The following HCN1 variants were observed in gnomAD, a reference collection of about 807,000 sequenced individuals.
The protein encoded by HCN1 is hyperpolarization activated cyclic nucleotide gated potassium channel 1, also known as potassium/sodium hyperpolarization-activated cyclic nucleotide-gated channel 1.
Under a neutral mutation model 78.9 loss-of-function variants are expected in HCN1, and 13 were observed. The observed-to-expected ratio is 0.16, with a 90% CI of 0.11 to 0.26. HCN1 has a LOEUF of 0.26. HCN1 is among the 10% of genes least tolerant of loss of function. The pLI, the probability that HCN1 is intolerant of heterozygous loss-of-function variation, is 1.00. For missense variants in HCN1, 810 were observed against 1,154.3 expected, an observed-to-expected ratio of 0.70 and a Z score of 4.32; for synonymous variants, 552 against 455.5, an observed-to-expected ratio of 1.21 and a Z score of -2.70.
At chr5:45,493,295 G>T (rs182321989) in intron 2 of HCN1, among the ~76,000 whole-genome samples, 1 of 151,738 alleles carries the variant, frequency 6.6e-6, no homozygotes, top group East Asian at 1.9e-4. Flanking sequence ...CAGTCACCAA[G>T]AATAAAGAAA....
At chr5:45,634,230 A>G (rs567983459) in intron 2 of HCN1, among the ~76,000 whole-genome samples, 2 of 152,050 alleles carry the variant, frequency 1.3e-5, no homozygotes, top group South Asian at 4.1e-4. Flanking sequence ...TCACATTCAT[A>G]CACCTATCCT....
At chr5:45,508,199 G>A (rs894559361) in intron 2 of HCN1, among the ~76,000 whole-genome samples, 3 of 152,204 alleles carry the variant, frequency 2.0e-5, no homozygotes, top group African/African-American at 7.2e-5. Context: ...AATTGGAAAT[G>A]TATGTGAAAA....
At chr5:45,569,077 C>T (rs1309214233) in intron 2 of HCN1, among the ~76,000 whole-genome samples, 1 of 152,090 alleles carries the variant, frequency 6.6e-6, no homozygotes, top group Non-Finnish European at 1.5e-5. Flanking sequence ...GAAGAAATGT[C>T]ACATACAGAC....
At chr5:45,384,017 C>G (rs1579859811) in intron 4 of HCN1, among the ~76,000 whole-genome samples, 2 of 152,188 alleles carry the variant, frequency 1.3e-5, no homozygotes, top group East Asian at 3.9e-4. Flanking sequence ...TATTCTAAAA[C>G]AGTAAAATGT....
intron 3 of HCN1, among the ~76,000 whole-genome samples, chr5:45,446,208 T>C (rs1004878122): frequency 6.6e-6 from 1 of 152,200 alleles, no homozygotes; most frequent in East Asian, 1.9e-4. Flanking sequence ...CTGATGGAGC[T>C]GAAAGCCAAG....
At chr5:45,337,018 C>G (rs1212398595) in intron 5 of HCN1, among the ~76,000 whole-genome samples, 1 of 151,848 alleles carries the variant, frequency 6.6e-6, no homozygotes, top group African/African-American at 2.4e-5. Flanking sequence ...ACCTTAGTAG[C>G]AATATAAAAG....
At chr5:45,624,549 G>A (rs997276390) in intron 2 of HCN1, among the ~76,000 whole-genome samples, 5 of 152,130 alleles carry the variant, frequency 3.3e-5, no homozygotes, top group African/African-American at 1.2e-4. Context: ...TACAGGTGAA[G>A]CATTGCCCCT....
At chr5:45,528,720 C>T (rs775316089) in intron 2 of HCN1, among the ~76,000 whole-genome samples, 1 of 151,922 alleles carries the variant, frequency 6.6e-6, no homozygotes, top group Non-Finnish European at 1.5e-5. Context: ...GCCTTAACCC[C>T]CACACTATCT....
At chr5:45,401,679 GA>G (rs1258137654) in intron 3 of HCN1, among the ~76,000 whole-genome samples, 13 of 145,106 alleles carry the variant, frequency 9.0e-5, no homozygotes, top group Admixed American at 8.2e-4. Context: ...TTTGGATATA[GA>G]AAAGTTCACA....
At chr5:45,419,448 TA>T (rs973169284) in intron 3 of HCN1, among the ~76,000 whole-genome samples, 1 of 152,188 alleles carries the variant, frequency 6.6e-6, no homozygotes, top group Non-Finnish European at 1.5e-5. Flanking sequence ...AGAAGCCCTC[TA>T]AGATATTTGA....
At chr5:45,577,805 C>G (rs777100510) in intron 2 of HCN1, among the ~76,000 whole-genome samples, 1 of 151,534 alleles carries the variant, frequency 6.6e-6, no homozygotes, top group Admixed American at 6.6e-5. Flanking sequence ...CTTAGAAATA[C>G]GAAGCAATGC....
intron 2 of HCN1, among the ~76,000 whole-genome samples, chr5:45,611,937 A>C (rs1400625986): frequency 6.6e-6 from 1 of 152,152 alleles, no homozygotes; most frequent in African/African-American, 2.4e-5. Flanking sequence ...AAAAATATAG[A>C]TCTGAAGTGC....
At chr5:45,341,552 T>C (rs1228919540) in intron 5 of HCN1, among the ~76,000 whole-genome samples, 1 of 152,126 alleles carries the variant, frequency 6.6e-6, no homozygotes, top group Non-Finnish European at 1.5e-5. Flanking sequence ...CAAAACATGA[T>C]AAAAATAATG....
chr5:45,499,286 C>A (rs1319106567), intron 2 of HCN1, among the ~76,000 whole-genome samples: 2 of 152,174 alleles, frequency 1.3e-5, no homozygotes, highest in Non-Finnish European at 2.9e-5. Context: ...GATATAATCT[C>A]CTGGTGCGCC....
intron 5 of HCN1, among the ~76,000 whole-genome samples, chr5:45,346,510 GCA>G (rs1389846727): frequency 6.6e-6 from 1 of 152,178 alleles, no homozygotes; most frequent in Non-Finnish European, 1.5e-5. Context: ...CAGACAGTGG[GCA>G]CAGGACAGTA....
intron 1 of HCN1, among the ~76,000 whole-genome samples, chr5:45,646,434 A>G (rs1279216992): frequency 2.0e-5 from 3 of 146,536 alleles, no homozygotes; most frequent in Non-Finnish European, 4.5e-5. Flanking sequence ...ACAATGGCAC[A>G]ATCTCAGCTC....
chr5:45,362,363 CAGA>C (rs1747132606), intron 4 of HCN1, among the ~76,000 whole-genome samples: 1 of 152,026 alleles, frequency 6.6e-6, no homozygotes, highest in South Asian at 2.1e-4. Context: ...CTTTCACTCA[CAGA>C]AGATGACTTT....
At chr5:45,664,319 GA>G (rs1174606901) in intron 1 of HCN1, among the ~76,000 whole-genome samples, 1 of 135,414 alleles carries the variant, frequency 7.4e-6, no homozygotes, top group Non-Finnish European at 1.6e-5. Context: ...GGGGTCGGGG[GA>G]GGGGGAGGGA....
chr5:45,639,779 C>G (rs1265254670), intron 2 of HCN1, among the ~76,000 whole-genome samples: 2 of 152,178 alleles, frequency 1.3e-5, no homozygotes, highest in Non-Finnish European at 2.9e-5. Flanking sequence ...TGATAAACCT[C>G]TCTTCTAACT....
Sources: gnomAD v4.1 joint callset for allele counts (sites outside exome capture counted in the v4.1 genomes callset) on GRCh38, gnomAD v4.1.1 for gene constraint, MANE v1.5 for transcripts, NCBI Gene and HGNC (gene_info 2026-07-23, HGNC 2026-07-21) for gene names.